Variants in KIAA0586 observed in about 807,000 individuals in gnomAD.
KIAA0586 encodes the protein protein TALPID3.
KIAA0586 carries 144 observed loss-of-function variants against 169.8 expected under a neutral mutation model. That is an observed-to-expected ratio of 0.85 (90% confidence interval 0.74 to 0.97). The LOEUF (loss-of-function observed/expected upper bound fraction) is 0.97, where lower values mean the gene tolerates loss of function less well. Ranked by LOEUF, KIAA0586 falls within the 50% of genes least tolerant of loss-of-function variation. The pLI is 0.00. For synonymous variants in KIAA0586, 625 were observed against 612.4 expected (o/e 1.02, Z -0.30); for missense variants, 1,854 against 1,823.0 (o/e 1.02, Z -0.31).
chr14:58,431,437 A>AT (rs958472696), intron 3 of KIAA0586, among the ~76,000 whole-genome samples: 37 of 146,784 alleles, frequency 2.5e-4, no homozygotes, highest in East Asian at 9.9e-4. Context: ...TAATTTTTCT[A>AT]TTTTTTTTTT....
At chr14:58,544,054 G>T in intron 30 of KIAA0586, 1 of 355,828 alleles carries the variant, frequency 2.8e-6, no homozygotes, top group Non-Finnish European at 5.5e-6. Flanking sequence ...AGTGTTTGTT[G>T]TTTCCTTCTT....
In KIAA0586 at chr14:58,468,129, T is replaced by G. The variant is rs372063520; in HGVS notation, c.2442+207T>G. The stretch of plus-strand genomic sequence containing the variant: ...GGCGCAATCTCGGCTCACTGCAACC[T>G]CTGCCTCTTGGGTTCAAGTGATTCT... On this transcript the variant is annotated intron_variant, in intron 16 of 30. Transcript: ENST00000652326. 2.6e-5 allele frequency among the ~76,000 whole-genome samples: 4 copies of G among 152,350 alleles called. 1 individual carries two copies.
chr14:58,452,439 C>A (rs962785518), intron 8 of KIAA0586, among the ~76,000 whole-genome samples: 1 of 152,070 alleles, frequency 6.6e-6, no homozygotes, highest in Non-Finnish European at 1.5e-5. Context: ...TTAAGAAAGT[C>A]ACAAGATAAT....
rs749791176 is a variant in KIAA0586 at position 58,540,149 on chromosome 14, C to CTT, written c.4495+15_4495+16dup. ...TGTGTATTTTCAGGTAAGATTTTTA[C>CTT]TTTAAAAGTTCTTGAACTTGGAGCT... On this transcript the variant is annotated intron_variant, in intron 30 of 30. Coordinates refer to ENST00000652326, the MANE Select transcript of KIAA0586 (RefSeq NM_001329943.3). 1 of 1,486,072 alleles carries CTT rather than the reference C, an allele frequency of 6.7e-7. No individual in the cohort carries two copies. Among genetic ancestry groups the CTT allele is most frequent in the Admixed American group, 2.0e-5 (1 of 49,540 alleles). The allele number at this position is 1,486,072 out of a possible 1,614,324, so 92.1% of individuals were successfully genotyped here. A position where few individuals can be genotyped will look rare whatever the true frequency, so the allele number is the denominator to read the frequency against.
intron 13 of KIAA0586, among the ~76,000 whole-genome samples, chr14:58,460,507 G>A (rs2040238533): frequency 1.3e-5 from 2 of 152,048 alleles, no homozygotes; most frequent in Admixed American, 1.3e-4. Flanking sequence ...CTGTAACTAG[G>A]CTATAAGTTT....
intron 25 of KIAA0586, among the ~76,000 whole-genome samples, chr14:58,490,676 A>T (rs975255543): frequency 6.6e-6 from 1 of 152,100 alleles, no homozygotes; most frequent in African/African-American, 2.4e-5. Context: ...AGGTCCAGGG[A>T]TGTTAACCCT....
intron 6 of KIAA0586, 132 bp downstream of exon 6, chr14:58,444,307 T>C (rs1319148867): frequency 1.5e-6 from 1 of 658,240 alleles, no homozygotes; most frequent in East Asian, 2.7e-5. Context: ...TTTGCTTATC[T>C]TTCTTCTCCT....
intron 29 of KIAA0586, among the ~76,000 whole-genome samples, chr14:58,532,832 C>G (rs1195258050): frequency 6.6e-6 from 1 of 152,124 alleles, no homozygotes; most frequent in Non-Finnish European, 1.5e-5. Context: ...ATTTTAAGCT[C>G]GAATGCTATT....
intron 7 of KIAA0586, among the ~76,000 whole-genome samples, chr14:58,450,150 A>G (rs1327838422): frequency 2.6e-5 from 4 of 152,206 alleles, no homozygotes; most frequent in Non-Finnish European, 4.4e-5. Flanking sequence ...ATCTTCATAA[A>G]TAATACTGTA....
At chr14:58,484,750 G>A (rs2042253047) in intron 21 of KIAA0586, among the ~76,000 whole-genome samples, 1 of 148,670 alleles carries the variant, frequency 6.7e-6, no homozygotes, top group South Asian at 2.1e-4. Flanking sequence ...ATTAAGCAAT[G>A]CTATAGAAAT....
downstream of KIAA0586, among the ~76,000 whole-genome samples, chr14:58,555,194 A>G (rs1312076299): frequency 7.4e-6 from 1 of 135,298 alleles, no homozygotes; most frequent in African/African-American, 2.8e-5. Flanking sequence ...TCCGCCTCCC[A>G]GTCTCAAGCA....
At position 58,547,978 on chromosome 14, in the gene KIAA0586, G is replaced by A; in HGVS notation, c.*46G>A. ...CAGTGTTTATGCCACTGGTTTTAAA[G>A]TCATTTTACCTTGGCTTAAAACCCT... is the stretch of plus-strand genomic sequence containing the variant. On this transcript the variant is annotated 3_prime_UTR_variant, in exon 31 of 31. Transcript: ENST00000652326. 6.3e-7 allele frequency: 1 copy of A among 1,598,320 alleles called. No homozygotes were observed. Among genetic ancestry groups the A allele is most frequent in the South Asian group, 1.1e-5 (1 of 89,282 alleles).
intron 6 of KIAA0586, among the ~76,000 whole-genome samples, chr14:58,446,023 C>T (rs1262574343): frequency 6.6e-6 from 1 of 151,176 alleles, no homozygotes; most frequent in African/African-American, 2.4e-5. Context: ...CGCCCACCAC[C>T]ATGCCCAGCT....
At chr14:58,460,283 C>CA (rs1249089021) in intron 13 of KIAA0586, among the ~76,000 whole-genome samples, 1 of 152,042 alleles carries the variant, frequency 6.6e-6, no homozygotes, top group Admixed American at 6.6e-5. Context: ...TATGAGATCT[C>CA]ACACCCTGGC....
intron 6 of KIAA0586, among the ~76,000 whole-genome samples, chr14:58,444,470 C>G (rs143566539): frequency 3.9e-5 from 6 of 152,060 alleles, no homozygotes; most frequent in African/African-American, 1.2e-4. Context: ...GTTGCCCAGG[C>G]TGAAGTACAG....
intron 16 of KIAA0586, 111 bp downstream of exon 16, chr14:58,468,033 A>C: frequency 1.6e-6 from 1 of 638,658 alleles, no homozygotes. Flanking sequence ...TTTGATCATG[A>C]CTCTTTTTTT....
chr14:58,521,582 A>AAAAGTGGCTTCAATTC (rs1372513143), intron 29 of KIAA0586: 1 of 984,996 alleles, frequency 1.0e-6, no homozygotes, highest in Non-Finnish European at 1.6e-6. Context: ...ATGAAGGGGA[A>AAAAGTGGCTTCAATTC]AAAGTGGCTT....
Position 58,490,375 on chromosome 14 carries a change from TAG to T in KIAA0586, c.3858+138_3858+139del, listed in dbSNP as rs1377161881. 23 of 460,862 alleles carry T rather than the reference TAG, an allele frequency of 5.0e-5. No homozygotes were observed. The East Asian group carries it at 7.8e-4, about 16-fold the overall frequency. The allele number at this position is 460,862 out of a possible 1,614,324, so 28.5% of individuals were successfully genotyped here. ...TTAGTAAAATAACCATGAAATAATTTAGAGTTTCTTGCACATTTCATTATGTA... is the reference window on the plus strand; with the variant it reads ...TTAGTAAAATAACCATGAAATAATTTAGTTTCTTGCACATTTCATTATGTA... On this transcript the variant is annotated intron_variant, in intron 25 of 30. Transcript: ENST00000652326.
intron 1 of KIAA0586, 127 bp downstream of exon 1, chr14:58,428,590 C>T: frequency 2.9e-6 from 2 of 682,826 alleles, no homozygotes; most frequent in Non-Finnish European, 4.8e-6. Flanking sequence ...GACCCTGTTT[C>T]CCGGGAAAAT....
Sources: gnomAD v4.1 joint callset for allele counts (sites outside exome capture counted in the v4.1 genomes callset) on GRCh38, gnomAD v4.1.1 for gene constraint, MANE v1.5 for transcripts, NCBI Gene and HGNC (gene_info 2026-07-23, HGNC 2026-07-21) for gene names.